Variants in SOX6 observed in about 807,000 individuals in gnomAD.
The protein encoded by SOX6 is transcription factor SOX-6.
In SOX6, 11 loss-of-function variants were observed where a neutral mutation model predicts 97.8. The ratio of observed to expected loss-of-function variants is 0.11; its 90% CI spans 0.07 to 0.19. SOX6 has a LOEUF of 0.19. Ranked by LOEUF, SOX6 falls within the 10% of genes least tolerant of loss-of-function variation. SOX6 has a pLI of 1.00. For synonymous variants in SOX6, 360 were observed against 371.4 expected, an observed-to-expected ratio of 0.97 and a Z score of 0.35; for missense variants, 810 against 1,039.5, an observed-to-expected ratio of 0.78 and a Z score of 3.04.
At chr11:16,116,578 A>G (rs764903079) in intron 6 of SOX6, among the ~76,000 whole-genome samples, 2 of 152,214 alleles carry the variant, frequency 1.3e-5, no homozygotes, top group Non-Finnish European at 2.9e-5. Context: ...ATGGATCCTT[A>G]ATCCAGTTTC....
chr11:16,732,684 C>T (rs1848359695), intron 2 of SOX6, among the ~76,000 whole-genome samples: 1 of 152,132 alleles, frequency 6.6e-6, no homozygotes, highest in Non-Finnish European at 1.5e-5. Context: ...CAGGCAAAGA[C>T]TTAATGACTA....
chr11:16,693,554 G>A (rs928884193), intron 3 of SOX6, among the ~76,000 whole-genome samples: 10 of 151,946 alleles, frequency 6.6e-5, no homozygotes, highest in Admixed American at 6.6e-5. Context: ...TTAATATATA[G>A]AAGCTTTAAC....
rs117161888 is a variant in SOX6, at chr11:16,448,886, T to C, written c.-5+27429A>G. Reference sequence around the variant, plus strand: ...GTCTTTACAAAAAACAATTTTAAAGTTAGCTGTGAACAGTAATGCACACTT... The same window carrying C: ...GTCTTTACAAAAAACAATTTTAAAGCTAGCTGTGAACAGTAATGCACACTT... On this transcript the variant is annotated intron_variant, in intron 1 of 15. Coordinates refer to the SOX6 transcript ENST00000396356. Among the ~76,000 whole-genome samples the C allele has an allele frequency of 1.5e-4, 23 of 152,170 alleles. No individual in the cohort carries two copies. In the East Asian group the frequency reaches 4.5e-3, roughly 29 times the overall value.
At chr11:16,173,725 C>G (rs1760022884) in intron 6 of SOX6, among the ~76,000 whole-genome samples, 1 of 150,716 alleles carries the variant, frequency 6.6e-6, no homozygotes, top group Admixed American at 6.6e-5. Context: ...AAAACTAGAG[C>G]AAGAAAAGTA....
intron 3 of SOX6, among the ~76,000 whole-genome samples, chr11:16,669,314 A>G (rs1847830614): frequency 6.6e-6 from 1 of 152,230 alleles, no homozygotes; most frequent in Non-Finnish European, 1.5e-5. Flanking sequence ...AAGAAATTAA[A>G]AAGAAAATTA....
intron 2 of SOX6, among the ~76,000 whole-genome samples, chr11:16,322,545 A>G (rs1590123871): frequency 6.6e-6 from 1 of 152,152 alleles, no homozygotes; most frequent in East Asian, 1.9e-4. Context: ...ACCAATGTCC[A>G]ATGATAATAT....
At chr11:16,712,623 A>G (rs1215206258) in intron 3 of SOX6, among the ~76,000 whole-genome samples, 2 of 152,118 alleles carry the variant, frequency 1.3e-5, no homozygotes, top group Non-Finnish European at 1.5e-5. Flanking sequence ...GCCATTTCAC[A>G]TGCTGTTCCC....
chr11:16,615,867 T>C (rs1218748174), intron 3 of SOX6, among the ~76,000 whole-genome samples: 1 of 152,020 alleles, frequency 6.6e-6, no homozygotes, highest in Non-Finnish European at 1.5e-5. Flanking sequence ...ACACAGAATT[T>C]TGGAATTTTT....
At chr11:16,450,450 C>T (rs1031807317) in intron 1 of SOX6, among the ~76,000 whole-genome samples, 1 of 152,212 alleles carries the variant, frequency 6.6e-6, no homozygotes, top group South Asian at 2.1e-4. Context: ...TAGACAGCTT[C>T]TAAATCTGTT....
intron 6 of SOX6, among the ~76,000 whole-genome samples, chr11:16,178,526 T>G (rs1486953076): frequency 3.3e-5 from 5 of 151,918 alleles, no homozygotes; most frequent in Non-Finnish European, 7.4e-5. Context: ...GGCTAATTCA[T>G]GATTGAAGAT....
At chr11:16,063,507 T>C (rs1848012412) in intron 9 of SOX6, among the ~76,000 whole-genome samples, 3 of 21,586 alleles carry the variant, frequency 1.4e-4, no homozygotes, top group African/African-American at 2.1e-4. Context: ...TATATATATA[T>C]ATATATATAT....
At chr11:16,170,504 A>AT (rs1564996481) in intron 6 of SOX6, among the ~76,000 whole-genome samples, 1 of 151,976 alleles carries the variant, frequency 6.6e-6, no homozygotes, top group Non-Finnish European at 1.5e-5. Context: ...TCTTTCCCAC[A>AT]TTTTATGGTT....
intron 2 of SOX6, among the ~76,000 whole-genome samples, chr11:16,720,189 C>A (rs1243310059): frequency 7.3e-5 from 11 of 151,626 alleles, no homozygotes; most frequent in African/African-American, 2.4e-4. Flanking sequence ...CATCCCATTA[C>A]TGGGTATATA....
At chr11:16,120,886 A>C (rs1047859714) in intron 6 of SOX6, among the ~76,000 whole-genome samples, 1 of 152,100 alleles carries the variant, frequency 6.6e-6, no homozygotes, top group African/African-American at 2.4e-5. Flanking sequence ...TTCCATAGTT[A>C]CAGAGGAAAG....
intron 4 of SOX6, among the ~76,000 whole-genome samples, chr11:16,207,134 C>T (rs1158456305): frequency 1.3e-5 from 2 of 152,034 alleles, no homozygotes; most frequent in African/African-American, 4.8e-5. Context: ...TGTGTCTTAC[C>T]CACTCTATTC....
At chr11:16,551,341 C>T (rs934848437) in intron 4 of SOX6, among the ~76,000 whole-genome samples, 18 of 151,816 alleles carry the variant, frequency 1.2e-4, no homozygotes, top group African/African-American at 4.4e-4. Context: ...AGAGTGAGAC[C>T]CTGTCTCATT....
intron 4 of SOX6, among the ~76,000 whole-genome samples, chr11:16,489,579 T>C (rs1404830446): frequency 6.6e-6 from 1 of 152,122 alleles, no homozygotes; most frequent in Non-Finnish European, 1.5e-5. Context: ...TGGTCTGAGA[T>C]AGATTAACTA....
At chr11:16,200,696 GCAA>G (rs1851911029) in intron 4 of SOX6, among the ~76,000 whole-genome samples, 1 of 151,934 alleles carries the variant, frequency 6.6e-6, no homozygotes, top group Admixed American at 6.6e-5. Flanking sequence ...CACCTTTTTG[GCAA>G]CAATAATATA....
chr11:16,085,522 C>A (rs1165423047), intron 9 of SOX6, among the ~76,000 whole-genome samples: 4 of 152,104 alleles, frequency 2.6e-5, no homozygotes, highest in African/African-American at 9.7e-5. Flanking sequence ...ACAGTACTTT[C>A]CAATTTTTTT....
Sources: gnomAD v4.1 joint callset for allele counts (sites outside exome capture counted in the v4.1 genomes callset) on GRCh38, gnomAD v4.1.1 for gene constraint, MANE v1.5 for transcripts, NCBI Gene and HGNC (gene_info 2026-07-23, HGNC 2026-07-21) for gene names.